The following BCAR3 variants were observed in gnomAD, a reference collection of about 807,000 sequenced individuals.
The protein encoded by BCAR3 is BCAR3 adaptor protein, NSP family member.
A neutral mutation model predicts 80.1 loss-of-function variants in BCAR3; 37 were observed. The observed-to-expected ratio is 0.46, with a 90% CI of 0.36 to 0.61. The LOEUF is 0.61. Among genes scored for constraint, BCAR3 ranks in the 20% least tolerant of loss-of-function variants. BCAR3 has a pLI of 0.00. For synonymous variants in BCAR3, 389 were observed against 418.9 expected, an observed-to-expected ratio of 0.93 and a Z score of 0.87; for missense variants, 978 against 1,068.2, an observed-to-expected ratio of 0.92 and a Z score of 1.18.
At chr1:93,740,446 C>T (rs1557671942) in intron 2 of BCAR3, among the ~76,000 whole-genome samples, 1 of 152,232 alleles carries the variant, frequency 6.6e-6, no homozygotes, top group South Asian at 2.1e-4. Flanking sequence ...ATCAGTCTGT[C>T]AGGGTCTGTC....
intron 1 of BCAR3, chr1:93,846,852 C>A: frequency 2.1e-6 from 1 of 478,544 alleles, no homozygotes; most frequent in Admixed American, 2.2e-5. Context: ...CCCCCTCAGT[C>A]CACCAGAGCC....
intron 2 of BCAR3, among the ~76,000 whole-genome samples, chr1:93,653,473 G>C (rs1434491069): frequency 1.3e-5 from 2 of 152,244 alleles, no homozygotes; most frequent in East Asian, 1.9e-4. Flanking sequence ...TACAGGGTGA[G>C]CTTTCCAACA....
intron 2 of BCAR3, among the ~76,000 whole-genome samples, chr1:93,735,077 C>T (rs1557670129): frequency 6.6e-6 from 1 of 152,190 alleles, no homozygotes; most frequent in Non-Finnish European, 1.5e-5. Flanking sequence ...TGTGGTGTTC[C>T]CCATCACTAG....
intron 2 of BCAR3, among the ~76,000 whole-genome samples, chr1:93,673,941 A>T (rs1362881654): frequency 6.6e-6 from 1 of 152,254 alleles, no homozygotes; most frequent in African/African-American, 2.4e-5. Context: ...TAAGGGACTT[A>T]AGAGAGGAAG....
chr1:93,693,902 C>T (rs1286446580), intron 3 of BCAR3, among the ~76,000 whole-genome samples: 1 of 152,218 alleles, frequency 6.6e-6, no homozygotes, highest in African/African-American at 2.4e-5. Context: ...ACCACCAAGG[C>T]TCTGCCTCTT....
chr1:93,779,211 C>T (rs577261337), intron 2 of BCAR3, among the ~76,000 whole-genome samples: 20 of 152,292 alleles, frequency 1.3e-4, no homozygotes, highest in East Asian at 3.9e-4. Flanking sequence ...TTAACAAAAT[C>T]GTTAGAGTAG....
At chr1:93,825,574 C>T (rs958812904) in intron 2 of BCAR3, among the ~76,000 whole-genome samples, 1 of 133,608 alleles carries the variant, frequency 7.5e-6, no homozygotes, top group African/African-American at 2.5e-5. Flanking sequence ...CCTTTCTGCA[C>T]TCTCTGCCTG....
At chr1:93,608,965 A>G (rs1264366263) in intron 3 of BCAR3, among the ~76,000 whole-genome samples, 1 of 152,206 alleles carries the variant, frequency 6.6e-6, no homozygotes, top group East Asian at 1.9e-4. Flanking sequence ...GCCATCGTCA[A>G]TGCTGGGATG....
At chr1:93,757,592 A>G (rs1371261272) in intron 2 of BCAR3, among the ~76,000 whole-genome samples, 3 of 152,098 alleles carry the variant, frequency 2.0e-5, no homozygotes, top group African/African-American at 4.8e-5. Flanking sequence ...TCTTCCTTCA[A>G]TTGGGAAAAG....
intron 8 of BCAR3, among the ~76,000 whole-genome samples, chr1:93,573,797 T>G (rs1673332891): frequency 7.1e-6 from 1 of 140,742 alleles, no homozygotes; most frequent in Admixed American, 7.0e-5. Context: ...CCCAGCTAAT[T>G]TTCGTGTTTT....
At chr1:93,781,040 C>A (rs1652744364) in intron 2 of BCAR3, among the ~76,000 whole-genome samples, 1 of 152,196 alleles carries the variant, frequency 6.6e-6, no homozygotes, top group South Asian at 2.1e-4. Flanking sequence ...AGAAGGGCAG[C>A]CACCATGTAT....
intron 2 of BCAR3, among the ~76,000 whole-genome samples, chr1:93,756,738 T>C (rs1651762114): frequency 6.6e-6 from 1 of 152,186 alleles, no homozygotes; most frequent in African/African-American, 2.4e-5. Flanking sequence ...CTGTCCATGC[T>C]CCATAAGGAA....
At chr1:93,706,978 C>A (rs561868526) in intron 2 of BCAR3, among the ~76,000 whole-genome samples, 42 of 152,154 alleles carry the variant, frequency 2.8e-4, no homozygotes, top group Non-Finnish European at 4.9e-4. Flanking sequence ...AGTTCGAGAC[C>A]AGCCTGGCCA....
chr1:93,586,487 T>A lies in BCAR3; in HGVS notation c.930-2366A>T, dbSNP rs1673948353. ...TAGGCTGCTTCCAAATCTTAGCTAT[T>A]GTAAACAGTGCTGCAACAAACATTG... On this transcript the variant is annotated intron_variant, in intron 5 of 11. Transcript: ENST00000260502. The surrounding 1 kb of genome is among the most constrained non-coding windows in gnomAD (Gnocchi z 4.2). Among the ~76,000 whole-genome samples, 5 of 150,076 alleles carry A rather than the reference T, an allele frequency of 3.3e-5. No individual in the cohort carries two copies.
chr1:93,612,349 G>A (rs759409422), intron 3 of BCAR3, among the ~76,000 whole-genome samples: 60 of 151,992 alleles, frequency 3.9e-4, no homozygotes, highest in Admixed American at 7.9e-4. Flanking sequence ...GAGTGGCCAC[G>A]GTGGAGAGAT....
chr1:93,801,359 G>A (rs1645520662), intron 2 of BCAR3, among the ~76,000 whole-genome samples: 1 of 152,148 alleles, frequency 6.6e-6, no homozygotes, highest in Non-Finnish European at 1.5e-5. Context: ...AGTGTGCACA[G>A]AATCCCAATT....
At chr1:93,762,148 T>C (rs1035269915) in intron 2 of BCAR3, among the ~76,000 whole-genome samples, 9 of 152,282 alleles carry the variant, frequency 5.9e-5, no homozygotes, top group African/African-American at 2.2e-4. Flanking sequence ...TCTCTCTCCA[T>C]AGGGGCTGAA....
intron 3 of BCAR3, among the ~76,000 whole-genome samples, chr1:93,694,852 C>T (rs1037803286): frequency 6.6e-6 from 1 of 152,218 alleles, no homozygotes; most frequent in African/African-American, 2.4e-5. Context: ...TCCTCAAAGC[C>T]ACCCACTCCT....
intron 8 of BCAR3, 136 bp downstream of exon 8, chr1:93,575,878 C>T (rs571643273): frequency 1.5e-6 from 1 of 659,562 alleles, no homozygotes; most frequent in African/African-American, 1.8e-5. Flanking sequence ...GGAAGAGTCG[C>T]TGTAGGCCAT....
Sources: gnomAD v4.1 joint callset for allele counts (sites outside exome capture counted in the v4.1 genomes callset) on GRCh38, gnomAD v4.1.1 for gene constraint, Gnocchi (gnomAD v3.1) non-coding constraint, MANE v1.5 for transcripts, NCBI Gene and HGNC (gene_info 2026-07-23, HGNC 2026-07-21) for gene names.